The following DRGX variants were observed in gnomAD, a reference collection of about 807,000 sequenced individuals.
DRGX encodes the protein dorsal root ganglia homeobox protein.
DRGX carries 21 observed loss-of-function variants against 28.6 expected under a neutral mutation model. The observed-to-expected ratio is 0.73, with a 90% CI of 0.52 to 1.06. The LOEUF (loss-of-function observed/expected upper bound fraction) is 1.06. Among genes scored for constraint, DRGX ranks in the 50% least tolerant of loss-of-function variants. DRGX has a pLI of 0.00. For synonymous variants in DRGX, 136 were observed against 139.1 expected (o/e 0.98, Z 0.16); for missense variants, 354 against 343.9 (o/e 1.03, Z -0.23).
intron 4 of DRGX, among the ~76,000 whole-genome samples, chr10:49,388,458 G>T (rs1849864505): frequency 6.6e-6 from 1 of 152,150 alleles, no homozygotes; most frequent in African/African-American, 2.4e-5. Flanking sequence ...TCCTTTAACT[G>T]GGTTTCTTTC....
intron 6 of DRGX, among the ~76,000 whole-genome samples, chr10:49,380,793 G>C (rs115710447): frequency 6.6e-6 from 1 of 152,184 alleles, no homozygotes; most frequent in Non-Finnish European, 1.5e-5. Flanking sequence ...TACTTCATTG[G>C]GTCCTTTAAA....
chr10:49,389,069 G>A (rs1001237035), intron 4 of DRGX, among the ~76,000 whole-genome samples: 2 of 151,946 alleles, frequency 1.3e-5, no homozygotes, highest in Non-Finnish European at 2.9e-5. Context: ...TGGCAAGCTG[G>A]CATTAAAAAA....
At chr10:49,386,333 A>C (rs908182248) in intron 6 of DRGX, 145 bp downstream of exon 6, 1 of 647,142 alleles carries the variant, frequency 1.5e-6, no homozygotes, top group African/African-American at 1.8e-5. Context: ...GGACAGCACC[A>C]GTGGCCCTGG....
intron 3 of DRGX, among the ~76,000 whole-genome samples, 196 bp downstream of exon 3, chr10:49,390,968 T>C (rs1849896309): frequency 1.3e-5 from 2 of 152,242 alleles, no homozygotes; most frequent in African/African-American, 4.8e-5. Flanking sequence ...TTCACTCATC[T>C]GGGATTACAA....
In DRGX at chr10:49,395,455, T is replaced by A. The variant is rs1454406627; in HGVS notation, c.-15A>T. ...AAATAAAACATCGCCGGCTGTCAGA[T>A]CGGCTGGACGGCCGAGACCTGGGAG... On this transcript the variant is annotated 5_prime_UTR_variant, in exon 2 of 7. Transcript: ENST00000374139. The A allele has an allele frequency of 1.1e-5, 17 of 1,549,908 alleles. No individual in the cohort carries two copies. The highest frequency in any genetic ancestry group is 1.5e-5 in the Non-Finnish European group (17 of 1,146,886).
In DRGX at chr10:49,364,448, T is replaced by G. The variant is rs570039634; in HGVS notation, c.*1668A>C. On this transcript the variant is annotated 3_prime_UTR_variant, in exon 7 of 7. Coordinates refer to ENST00000374139, the MANE Select transcript of DRGX (RefSeq NM_001276451.2). Reference sequence around the variant, plus strand: ...TCAGATGCAATGCTGTTAAGTATTCTTAATTTGCTCAACAGTTCACTTATT... The same window carrying G: ...TCAGATGCAATGCTGTTAAGTATTCGTAATTTGCTCAACAGTTCACTTATT... 52 of 152,362 alleles carry G rather than the reference T, an allele frequency of 3.4e-4. No individual in the cohort carries two copies. The highest frequency in any genetic ancestry group is 1.3e-3 in the African/African-American group (52 of 41,586). The allele number at this position is 152,362 out of a possible 1,614,324, so 9.4% of individuals were successfully genotyped here. A position where few individuals can be genotyped will look rare whatever the true frequency, so the allele number is the denominator to read the frequency against.
intron 6 of DRGX, among the ~76,000 whole-genome samples, chr10:49,379,716 A>C (rs1849753868): frequency 6.6e-6 from 1 of 152,214 alleles, no homozygotes; most frequent in Admixed American, 6.5e-5. Flanking sequence ...CTTCCCCTGA[A>C]CATCCTTCCC....
At position 49,390,814 on chromosome 10, in the gene DRGX, C is replaced by T. The variant is rs528733527; in HGVS notation, c.132+350G>A. ...CCAAGTCAGCCAACTTCCAGGGATC[C>T]GGTTTTTCATCTCTGTACTGAGAAT... On this transcript the variant is annotated intron_variant, in intron 3 of 6. Coordinates refer to ENST00000374139, the MANE Select transcript of DRGX (RefSeq NM_001276451.2). 7.1e-4 allele frequency among the ~76,000 whole-genome samples: 95 copies of T among 132,896 alleles called. 1 individual carries two copies. Among genetic ancestry groups the T allele is most frequent in the African/African-American group, 2.2e-3 (90 of 41,046 alleles). 87.2% of individuals were successfully genotyped at this position (132,896 alleles called of 152,430 possible).
chr10:49,384,930 A>T (rs1849815290), intron 6 of DRGX, among the ~76,000 whole-genome samples: 2 of 152,180 alleles, frequency 1.3e-5, no homozygotes. Context: ...TTTGTAAAAG[A>T]GAAGATGACT....
intron 4 of DRGX, among the ~76,000 whole-genome samples, chr10:49,387,860 C>T (rs2132483870): frequency 6.6e-6 from 1 of 152,258 alleles, no homozygotes; most frequent in East Asian, 1.9e-4. Context: ...TTGCCTAAGG[C>T]TATCCAGGTG....
intron 6 of DRGX, among the ~76,000 whole-genome samples, chr10:49,369,121 C>T (rs1345727921): frequency 2.0e-5 from 3 of 152,206 alleles, no homozygotes; most frequent in African/African-American, 7.2e-5. Context: ...AGTGACAGAG[C>T]CTCCTTGCCC....
At chr10:49,394,775 A>G (rs1849947336) in intron 2 of DRGX, among the ~76,000 whole-genome samples, 1 of 151,772 alleles carries the variant, frequency 6.6e-6, no homozygotes, top group South Asian at 2.1e-4. Flanking sequence ...TGGCCTGGGG[A>G]GTGGGGAGTG....
rs539973151 is a variant in DRGX, at chr10:49,364,362, G to T, written c.*1754C>A. 6.6e-6 allele frequency: 1 copy of T among 152,078 alleles called. No individual in the cohort carries two copies. Among genetic ancestry groups the T allele is most frequent in the South Asian group, 2.1e-4 (1 of 4,824 alleles). 9.4% of individuals were successfully genotyped at this position (152,078 alleles called of 1,614,324 possible). ...TAGTTTACTTAATTGTGTTATTGAC[G>T]ATCAAAAGTAATTTCCTGAAAGTCC... On this transcript the variant is annotated 3_prime_UTR_variant, in exon 7 of 7. Transcript: ENST00000374139.
At chr10:49,387,434 G>A (rs774752350) in intron 4 of DRGX, among the ~76,000 whole-genome samples, 8 of 152,136 alleles carry the variant, frequency 5.3e-5, no homozygotes, top group South Asian at 2.1e-4. Flanking sequence ...CAAGGTGGGC[G>A]GATCACTTGA....
Position 49,365,459 on chromosome 10 carries a change from C to A in DRGX, c.*657G>T, listed in dbSNP as rs61848624. The stretch of plus-strand genomic sequence containing the variant: ...TGGAGCAGGTGGCCTGGGTGATTAG[C>A]CCAGCCCCCCGGCCAGATGTGCCAG... On this transcript the variant is annotated 3_prime_UTR_variant, in exon 7 of 7. Coordinates refer to ENST00000374139, the MANE Select transcript of DRGX (RefSeq NM_001276451.2). 0.068 allele frequency: 10,340 copies of A among 152,396 alleles called. 422 individuals carry two copies. Among genetic ancestry groups the A allele is most frequent in the Middle Eastern group, 0.14 (41 of 298 alleles). The allele number at this position is 152,396 out of a possible 1,614,324, so 9.4% of individuals were successfully genotyped here. A position where few individuals can be genotyped will look rare whatever the true frequency, so the allele number is the denominator to read the frequency against.
At chr10:49,374,394 G>C (rs776853051) in intron 6 of DRGX, among the ~76,000 whole-genome samples, 1 of 152,150 alleles carries the variant, frequency 6.6e-6, no homozygotes, top group Non-Finnish European at 1.5e-5. Context: ...GTGGACCAAA[G>C]TCAGTGAGTC....
rs1330399353 is a variant in DRGX, at chr10:49,395,448, T to C, written c.-8A>G. 2 of 1,550,198 alleles carry C rather than the reference T, an allele frequency of 1.3e-6. No individual in the cohort carries two copies. The highest frequency in any genetic ancestry group is 8.7e-7 in the Non-Finnish European group (1 of 1,146,888). ...GCAGTGGAAATAAAACATCGCCGGC[T>C]GTCAGATCGGCTGGACGGCCGAGAC... On this transcript the variant is annotated 5_prime_UTR_variant, in exon 2 of 7. Transcript: ENST00000374139.
rs1438816954 is a variant in DRGX at position 49,364,701 on chromosome 10, C to CA, written c.*1414dup. The CA allele has an allele frequency of 6.6e-6, 1 of 151,858 alleles. No homozygotes were observed. The highest frequency in any genetic ancestry group is 1.5e-5 in the Non-Finnish European group (1 of 68,014). 9.4% of individuals were successfully genotyped at this position (151,858 alleles called of 1,614,324 possible). On this transcript the variant is annotated 3_prime_UTR_variant, in exon 7 of 7. Transcript: ENST00000374139. ...CTTTAAAGGAGACAGTGGGTTTTATCAAATGCTTCGTAGTGATCATAGACA... is the reference window on the plus strand; with the variant it reads ...CTTTAAAGGAGACAGTGGGTTTTATCAAAATGCTTCGTAGTGATCATAGACA...
chr10:49,378,876 T>C (rs1849743949), intron 6 of DRGX, among the ~76,000 whole-genome samples: 1 of 152,106 alleles, frequency 6.6e-6, no homozygotes, highest in Non-Finnish European at 1.5e-5. Flanking sequence ...TGTATATGCA[T>C]GTGTGTATAT....
Sources: gnomAD v4.1 joint callset for allele counts (sites outside exome capture counted in the v4.1 genomes callset) on GRCh38, gnomAD v4.1.1 for gene constraint, MANE v1.5 for transcripts, NCBI Gene and HGNC (gene_info 2026-07-23, HGNC 2026-07-21) for gene names.